L3MBTL3: variants seen among roughly 807,000 people sequenced by gnomAD.
The protein encoded by L3MBTL3 is lethal(3)malignant brain tumor-like protein 3.
A neutral mutation model predicts 102.3 loss-of-function variants in L3MBTL3; 27 were observed. The observed-to-expected ratio is 0.26, with a 90% CI of 0.19 to 0.36. The LOEUF is 0.36. Ranked by LOEUF, L3MBTL3 falls within the 10% of genes least tolerant of loss-of-function variation. The probability of loss-of-function intolerance (pLI) is 1.00; values close to 1 mark genes in which losing one functional copy is unlikely to be tolerated. For synonymous variants in L3MBTL3, 340 were observed against 320.9 expected (o/e 1.06, Z -0.64); for missense variants, 798 against 955.3 (o/e 0.84, Z 2.17).
intron 3 of L3MBTL3, 152 bp from the exon 4 acceptor site, chr6:130,049,130 G>A (rs1780919621): frequency 1.7e-6 from 1 of 587,498 alleles, no homozygotes; most frequent in Non-Finnish European, 3.0e-6. Context: ...AAAGGTCTTA[G>A]TATTGGTGGG....
At chr6:130,028,691 A>G (rs1433539516) in intron 2 of L3MBTL3, among the ~76,000 whole-genome samples, 1 of 152,226 alleles carries the variant, frequency 6.6e-6, no homozygotes, top group East Asian at 1.9e-4. Flanking sequence ...TTGATTTGAA[A>G]GGAATATTTT....
At chr6:130,127,703 A>G (rs1356753815) in intron 20 of L3MBTL3, among the ~76,000 whole-genome samples, 1 of 152,200 alleles carries the variant, frequency 6.6e-6, no homozygotes, top group Non-Finnish European at 1.5e-5. Context: ...TTCTTCTGAT[A>G]TTAACGAGAC....
chr6:130,024,330 A>G (rs998425985), intron 2 of L3MBTL3, among the ~76,000 whole-genome samples: 10 of 152,142 alleles, frequency 6.6e-5, no homozygotes, highest in African/African-American at 1.9e-4. Flanking sequence ...TGTAAGTACT[A>G]TCTATTATTA....
chr6:130,089,600 T>TCAAA (rs1273491152), intron 16 of L3MBTL3, among the ~76,000 whole-genome samples: 1 of 152,146 alleles, frequency 6.6e-6, no homozygotes, highest in Non-Finnish European at 1.5e-5. Flanking sequence ...GATCACTGGG[T>TCAAA]CAAATGGTAT....
At chr6:130,040,924 C>T (rs554351278) in intron 2 of L3MBTL3, among the ~76,000 whole-genome samples, 1 of 152,156 alleles carries the variant, frequency 6.6e-6, no homozygotes, top group Non-Finnish European at 1.5e-5. Context: ...ATTTACTGTG[C>T]ATGCATGGTG....
chr6:130,081,157 G>A (rs977567633), intron 14 of L3MBTL3, among the ~76,000 whole-genome samples: 1 of 152,058 alleles, frequency 6.6e-6, no homozygotes, highest in African/African-American at 2.4e-5. Context: ...TTTTTATTTT[G>A]AATTATCCAA....
chr6:130,031,045 A>T (rs1779690438), intron 2 of L3MBTL3, among the ~76,000 whole-genome samples: 1 of 152,180 alleles, frequency 6.6e-6, no homozygotes, highest in Admixed American at 6.5e-5. Context: ...GAGTCCTTCC[A>T]TTAGTGGCTG....
In L3MBTL3 at chr6:130,052,971, G is replaced by A; in HGVS notation, c.562G>A (p.Glu188Lys). The change falls in exon 7 of 23, where the codon GAA becomes AAA. Residue 188 changes from glutamate to lysine, a missense_variant. Physicochemically the swap from Glu to Lys is moderately conservative, Grantham distance 56 (BLOSUM62 1). Transcript: ENST00000361794. Reference protein sequence around the residue: ...SLKADTKEDGEERDDEMENKQ... With the variant: ...SLKADTKEDGKERDDEMENKQ... ...GAAAGCTGACACCAAGGAGGATGGA[G>A]AAGAGAGAGATGATGAAATGGTGAG... 1.2e-6 allele frequency: 2 copies of A among 1,613,452 alleles called. No individual in the cohort carries two copies. The highest frequency in any genetic ancestry group is 8.5e-7 in the Non-Finnish European group (1 of 1,179,384).
At position 130,104,454 on chromosome 6, in the gene L3MBTL3, A is replaced by C; in HGVS notation, c.1765A>C (p.Asn589His). ...SAANCPYSEI[N>H]LNKDRIFPDR... is the part of the protein sequence containing the mutation. ...TGCCAACTGTCCCTATTCAGAAATC[A>C]ATTTGAATAAAGACCGTATTTTTCC... The change falls in exon 19 of 23, where the codon AAT becomes CAT. Residue 589 changes from asparagine (N) to histidine (H), a missense_variant. Physicochemically the swap from Asn to His is moderately conservative, Grantham distance 68. Transcript: ENST00000361794. 1 of 1,576,250 alleles carries C rather than the reference A, an allele frequency of 6.3e-7. No individual in the cohort carries two copies. The highest frequency in any genetic ancestry group is 1.2e-5 in the South Asian group (1 of 82,022).
At chr6:130,053,054 C>G in intron 7 of L3MBTL3, 63 bp downstream of exon 7, 1 of 1,276,572 alleles carries the variant, frequency 7.8e-7, no homozygotes, top group Non-Finnish European at 1.1e-6. Flanking sequence ...GCATCACAGT[C>G]ACAAGCACTG....
At chr6:130,024,875 T>C (rs1456190030) in intron 2 of L3MBTL3, among the ~76,000 whole-genome samples, 1 of 152,178 alleles carries the variant, frequency 6.6e-6, no homozygotes, top group African/African-American at 2.4e-5. Flanking sequence ...ATGAGGGCTC[T>C]AGCACTCTTT....
intron 2 of L3MBTL3, among the ~76,000 whole-genome samples, chr6:130,042,321 T>C (rs903756150): frequency 6.6e-6 from 1 of 152,224 alleles, no homozygotes; most frequent in Non-Finnish European, 1.5e-5. Flanking sequence ...TTTTTTCTAG[T>C]GTCTTAAAAC....
intron 18 of L3MBTL3, among the ~76,000 whole-genome samples, chr6:130,101,350 CTG>C (rs1784674671): frequency 6.6e-6 from 1 of 152,148 alleles, no homozygotes; most frequent in Non-Finnish European, 1.5e-5. Flanking sequence ...TGAGGTGACA[CTG>C]AGACATCTGA....
intron 9 of L3MBTL3, among the ~76,000 whole-genome samples, chr6:130,059,383 A>G (rs997983379): frequency 2.6e-5 from 4 of 152,238 alleles, no homozygotes; most frequent in African/African-American, 9.6e-5. Context: ...TATCTGAGTC[A>G]TGAATCTCTT....
At chr6:130,090,522 A>G (rs1783975939) in intron 16 of L3MBTL3, among the ~76,000 whole-genome samples, 1 of 152,200 alleles carries the variant, frequency 6.6e-6, no homozygotes, top group South Asian at 2.1e-4. Flanking sequence ...GAAGAATTGT[A>G]TCTTGTGATT....
chr6:130,083,652 A>G lies in L3MBTL3; in HGVS notation c.1354A>G (p.Lys452Glu). Reference protein sequence around the residue: ...YPNVKHFSWDKYLEETNSLPA... With the variant: ...YPNVKHFSWDEYLEETNSLPA... ...AAATGTGAAACATTTTTCTTGGGAT[A>G]AATACTTAGAAGAAACCAATTCTTT... Residue 452 changes from lysine to glutamate, a missense_variant, in exon 15 of 23, where the codon AAA becomes GAA. By Grantham distance (56) the Lys-to-Glu change is moderately conservative. Transcript: ENST00000361794. 1 of 1,544,018 alleles carries G rather than the reference A, an allele frequency of 6.5e-7. No individual in the cohort carries two copies. Among genetic ancestry groups the G allele is most frequent in the Non-Finnish European group, 8.7e-7 (1 of 1,144,672 alleles).
chr6:130,117,982 A>G (rs766892291), intron 19 of L3MBTL3, among the ~76,000 whole-genome samples: 15 of 134,308 alleles, frequency 1.1e-4, no homozygotes, highest in Non-Finnish European at 1.4e-4. Flanking sequence ...AAGTGTTGTT[A>G]TTAGAAGCAT....
chr6:130,068,224 A>G, intron 11 of L3MBTL3, 106 bp from the exon 12 acceptor site: 1 of 598,254 alleles, frequency 1.7e-6, no homozygotes, highest in Middle Eastern at 3.8e-4. Context: ...TTATTTAAAA[A>G]GTCATTTGAT....
intron 2 of L3MBTL3, among the ~76,000 whole-genome samples, chr6:130,038,007 A>G (rs1439987078): frequency 1.3e-5 from 2 of 151,814 alleles, no homozygotes; most frequent in South Asian, 2.1e-4. Flanking sequence ...GCTCTCACAT[A>G]TGAATGAGAA....
Sources: allele counts gnomAD v4.1 joint callset (sites outside exome capture counted in the v4.1 genomes callset), GRCh38; gene constraint gnomAD v4.1.1; transcripts MANE v1.5; gene names NCBI Gene and HGNC (gene_info 2026-07-23, HGNC 2026-07-21).